INTS6: variants seen among roughly 807,000 people sequenced by gnomAD.
INTS6 encodes DEAD box protein.
INTS6 carries 16 observed loss-of-function variants against 104.9 expected under a neutral mutation model. The ratio of observed to expected loss-of-function variants is 0.15; its 90% CI spans 0.10 to 0.23. INTS6 has a LOEUF of 0.23. INTS6 is among the 10% of genes least tolerant of loss of function. The probability of loss-of-function intolerance (pLI) is 1.00; values close to 1 mark genes in which losing one functional copy is unlikely to be tolerated. For missense variants in INTS6, 584 were observed against 1,062.8 expected, an observed-to-expected ratio of 0.55 and a Z score of 6.26; for synonymous variants, 324 against 358.7, an observed-to-expected ratio of 0.90 and a Z score of 1.09.
intron 5 of INTS6, among the ~76,000 whole-genome samples, chr13:51,394,084 T>C (rs1166950303): frequency 6.6e-6 from 1 of 150,488 alleles, no homozygotes; most frequent in African/African-American, 2.4e-5. Context: ...AGCTGGAAAC[T>C]AAAATTTCAT....
At chr13:51,375,811 A>T (rs934707799) in intron 13 of INTS6, among the ~76,000 whole-genome samples, 1 of 152,144 alleles carries the variant, frequency 6.6e-6, no homozygotes, top group African/African-American at 2.4e-5. Flanking sequence ...CTATAAAAGG[A>T]AACTAAACTG....
chr13:51,369,452 T>A, intron 15 of INTS6, 142 bp from the exon 16 acceptor site: 1 of 790,996 alleles, frequency 1.3e-6, no homozygotes, highest in Non-Finnish European at 1.9e-6. Context: ...ATATAGTTTT[T>A]AAGCATTGCC....
At chr13:51,340,867 T>A in the INTS6 span, 1 of 586,666 alleles carries the variant, frequency 1.7e-6, no homozygotes. Context: ...CCACAGTGAG[T>A]ATTTCTAATG....
chr13:51,389,207 C>CT, intron 6 of INTS6, 112 bp downstream of exon 6: 1 of 1,057,178 alleles, frequency 9.5e-7, no homozygotes, highest in Non-Finnish European at 1.4e-6. Flanking sequence ...GCCTTTCTGT[C>CT]TTAATAATTT....
the INTS6 span, among the ~76,000 whole-genome samples, chr13:51,343,058 G>A: frequency 2.6e-5 from 4 of 152,074 alleles, 1 homozygote; most frequent in South Asian, 6.2e-4. Flanking sequence ...CTGGGTTCCC[G>A]TGCCTCCAGA....
downstream of INTS6, among the ~76,000 whole-genome samples, chr13:51,361,108 C>T (rs1183466233): frequency 6.6e-6 from 1 of 151,576 alleles, no homozygotes; most frequent in African/African-American, 2.4e-5. Context: ...CAAACAGCTA[C>T]CTGAGCCTCC....
At chr13:51,388,173 A>G (rs1251845812) in intron 6 of INTS6, among the ~76,000 whole-genome samples, 1 of 152,006 alleles carries the variant, frequency 6.6e-6, no homozygotes, top group Admixed American at 6.5e-5. Flanking sequence ...AACAATTAAA[A>G]TTTTTTTAAG....
intron 11 of INTS6, 56 bp downstream of exon 11, chr13:51,379,406 A>G (rs528828935): frequency 2.0e-6 from 2 of 995,074 alleles, no homozygotes; most frequent in African/African-American, 1.6e-5. Context: ...CTGTTTAACC[A>G]TCCTAGCCAA....
At chr13:51,383,816 A>AT (rs1235529919) in intron 7 of INTS6, 75 bp from the exon 8 acceptor site, 4 of 1,296,316 alleles carry the variant, frequency 3.1e-6, no homozygotes, top group Non-Finnish European at 4.3e-6. Context: ...CATTATCAAA[A>AT]TTTACTCAGT....
In INTS6 at chr13:51,424,408, G is replaced by GTAAA. The variant is rs1956950681; in HGVS notation, c.429+5882_429+5885dup. ...GTATATCAATAAGAGTACTGCAAATGTAAATTGCTGAAAACTTACTATATT... is the reference window on the plus strand; with the variant it reads ...GTATATCAATAAGAGTACTGCAAATGTAAATAAATTGCTGAAAACTTACTATATT... On this transcript the variant is annotated intron_variant, in intron 4 of 17. Transcript: ENST00000311234. 2.0e-5 allele frequency among the ~76,000 whole-genome samples: 3 copies of GTAAA among 151,802 alleles called. No individual in the cohort carries two copies. The East Asian group carries it at 5.8e-4, about 29-fold the overall frequency.
At chr13:51,378,821 G>A (rs1231415714) in intron 11 of INTS6, among the ~76,000 whole-genome samples, 3 of 151,982 alleles carry the variant, frequency 2.0e-5, no homozygotes, top group Non-Finnish European at 4.4e-5. Context: ...CATTATGTAA[G>A]ACATTTTTAC....
chr13:51,358,147 G>A (rs187713358), downstream of INTS6, among the ~76,000 whole-genome samples: 13 of 152,102 alleles, frequency 8.5e-5, no homozygotes, highest in African/African-American at 3.1e-4. Context: ...CTCCTGGGCC[G>A]GGTGCTATGT....
chr13:51,428,472 G>T (rs151177766), intron 4 of INTS6, among the ~76,000 whole-genome samples: 3,006 of 151,740 alleles, frequency 0.02, 53 homozygotes, highest in African/African-American at 0.049. Flanking sequence ...TTACAGGTGT[G>T]CGCCACCACG....
At chr13:51,343,395 C>A in the INTS6 span, among the ~76,000 whole-genome samples, 1 of 152,162 alleles carries the variant, frequency 6.6e-6, no homozygotes, top group Non-Finnish European at 1.5e-5. Flanking sequence ...CAAGAGCCCT[C>A]GTTCCAGCTA....
At chr13:51,409,890 G>C (rs1956651303) in intron 4 of INTS6, among the ~76,000 whole-genome samples, 1 of 151,990 alleles carries the variant, frequency 6.6e-6, no homozygotes, top group African/African-American at 2.4e-5. Flanking sequence ...AAGCTACTAG[G>C]TAACAAGAAA....
intron 3 of INTS6, among the ~76,000 whole-genome samples, chr13:51,432,393 G>A (rs1229670149): frequency 6.6e-6 from 1 of 151,118 alleles, no homozygotes; most frequent in African/African-American, 2.4e-5. Flanking sequence ...ATCTAACACT[G>A]CAGAAGTATA....
chr13:51,355,099 C>A (rs753814971), intron 3 of INTS6: 10 of 1,552,148 alleles, frequency 6.4e-6, no homozygotes, highest in Non-Finnish European at 8.7e-6. Context: ...TGGGGAGTCA[C>A]CGATCTTTTT....
chr13:51,341,917 A>G, the INTS6 span, among the ~76,000 whole-genome samples: 1 of 152,256 alleles, frequency 6.6e-6, no homozygotes, highest in East Asian at 1.9e-4. Context: ...CTTTTGACCA[A>G]CCTGCTTTTA....
At position 51,452,211 on chromosome 13, in the gene INTS6, C is replaced by A; in HGVS notation, c.112-156G>T. 1 of 675,866 alleles carries A rather than the reference C, an allele frequency of 1.5e-6. No homozygotes were observed. The highest frequency in any genetic ancestry group is 2.1e-6 in the Non-Finnish European group (1 of 471,480). The allele number at this position is 675,866 out of a possible 1,614,324, so 41.9% of individuals were successfully genotyped here. A position where few individuals can be genotyped will look rare whatever the true frequency, so the allele number is the denominator to read the frequency against. ...CGTCCCCCACACACAGATCGCTCCC[C>A]ACACACCGCCCGGGGCCGGAGCCCG... On this transcript the variant is annotated intron_variant, in intron 1 of 17. Transcript: ENST00000311234. This position sits in a 1 kb window ranked among gnomAD's most constrained non-coding sequence, Gnocchi z 4.2.
Sources: gnomAD v4.1 joint callset for allele counts (sites outside exome capture counted in the v4.1 genomes callset) on GRCh38, gnomAD v4.1.1 for gene constraint, Gnocchi (gnomAD v3.1) non-coding constraint, MANE v1.5 for transcripts, NCBI Gene and HGNC (gene_info 2026-07-23, HGNC 2026-07-21) for gene names.